ITPRID1: variants seen among roughly 807,000 people sequenced by gnomAD.
ITPRID1 encodes the protein protein ITPRID1.
A neutral mutation model predicts 95.4 loss-of-function variants in ITPRID1; 96 were observed. The observed-to-expected ratio is 1.01, with a 90% CI of 0.85 to 1.19. The LOEUF (loss-of-function observed/expected upper bound fraction) is 1.19, where lower values mean the gene tolerates loss of function less well. Among genes scored for constraint, ITPRID1 ranks in the 50% most tolerant of loss-of-function variants. ITPRID1 has a pLI of 0.00. For missense variants in ITPRID1, 1,339 were observed against 1,252.9 expected (o/e 1.07, Z -1.04); for synonymous variants, 510 against 453.6 (o/e 1.12, Z -1.58).
chr7:31,537,107 G>A (rs1783785975), intron 1 of ITPRID1, among the ~76,000 whole-genome samples: 1 of 150,824 alleles, frequency 6.6e-6, no homozygotes, highest in African/African-American at 2.4e-5. Flanking sequence ...GTGTGTGTGT[G>A]TGTGTGTGTG....
At chr7:31,637,902 T>C (rs889363007) in intron 10 of ITPRID1, among the ~76,000 whole-genome samples, 1 of 152,210 alleles carries the variant, frequency 6.6e-6, no homozygotes, top group Non-Finnish European at 1.5e-5. Flanking sequence ...CCATCTTGAA[T>C]TAATTTTTGT....
intron 1 of ITPRID1, chr7:31,529,932 G>A: frequency 1.2e-6 from 1 of 841,652 alleles, no homozygotes; most frequent in Middle Eastern, 2.2e-4. Flanking sequence ...GGGCAGCGAT[G>A]GCGTGTTCTG....
At position 31,643,637 on chromosome 7, in the gene ITPRID1, A is replaced by T; in HGVS notation, c.2267A>T (p.Gln756Leu). The change falls in exon 12 of 15, where the codon CAG (glutamine) becomes CTG (leucine). Residue 756 changes from glutamine (Q) to leucine (L), a missense_variant. Physicochemically the swap from Gln to Leu is moderately radical, Grantham distance 113. Coordinates refer to ENST00000615280, the MANE Select transcript of ITPRID1 (RefSeq NM_001257967.3). ...TETRLGTKARQLNDASIQTSA... is the reference protein window; with the variant it reads ...TETRLGTKARLLNDASIQTSA... ...ACAAGACTGGGGACAAAAGCAAGAC[A>T]GTTAAATGATGCTTCCATTCAGACT... The T allele has an allele frequency of 1.2e-6, 2 of 1,614,070 alleles. No homozygotes were observed. Among genetic ancestry groups the T allele is most frequent in the Non-Finnish European group, 1.7e-6 (2 of 1,179,910 alleles).
At chr7:31,581,967 T>C (rs999825511) in intron 9 of ITPRID1, among the ~76,000 whole-genome samples, 2 of 152,240 alleles carry the variant, frequency 1.3e-5, no homozygotes, top group African/African-American at 4.8e-5. Context: ...CTTCTTGTTA[T>C]GGTTGAGCTA....
At chr7:31,620,827 CA>C (rs1285688446) in intron 10 of ITPRID1, among the ~76,000 whole-genome samples, 18 of 152,184 alleles carry the variant, frequency 1.2e-4, no homozygotes, top group African/African-American at 4.3e-4. Context: ...GGAGGAAATT[CA>C]AACCAAAGGC....
chr7:31,656,897 A>AC (rs5883301), downstream of ITPRID1, among the ~76,000 whole-genome samples: 116,322 of 151,150 alleles, frequency 0.77, 44,837 homozygotes, highest in East Asian at 0.83. Context: ...GCTCTATCCC[A>AC]CCAGGACCTT....
intron 1 of ITPRID1, among the ~76,000 whole-genome samples, chr7:31,548,415 T>A (rs1784170534): frequency 6.6e-6 from 1 of 151,988 alleles, no homozygotes; most frequent in Non-Finnish European, 1.5e-5. Flanking sequence ...ATAGAGGAAA[T>A]TTACACTATC....
At position 31,598,824 on chromosome 7, in the gene ITPRID1, C is replaced by A. The variant is rs139938140; in HGVS notation, c.1228+15633C>A. On this transcript the variant is annotated intron_variant, in intron 10 of 14. Coordinates refer to ENST00000615280, the MANE Select transcript of ITPRID1 (RefSeq NM_001257967.3). ...GAATAAACAAGAAAAAAAAGCTTTA[C>A]CCTGTTATAATCAGGAGCAGATAAG... 1.2e-3 allele frequency among the ~76,000 whole-genome samples: 179 copies of A among 152,242 alleles called. 1 individual carries two copies. The highest frequency in any genetic ancestry group is 1.4e-3 in the Non-Finnish European group (93 of 68,020).
rs1226289038 is a variant in ITPRID1, at chr7:31,652,569, C to T, written c.2875C>T (p.Gln959Ter). Residue 959 changes from glutamine (Q) to a stop codon, truncating the protein, a stop_gained, in exon 15 of 15, where the codon CAA becomes TAA. Coordinates refer to ENST00000615280, the MANE Select transcript of ITPRID1 (RefSeq NM_001257967.3). LOFTEE classifies it low-confidence loss of function (END_TRUNC). ...ACCTGAACACTATTCAAATCTGCAT[C>T]AATATAACTGGATAGAAGAAAGCAA... is the stretch of plus-strand genomic sequence containing the variant. ...EPPEHYSNLH[Q>*]YNWIEESNGQ... The T allele has an allele frequency of 6.2e-7, 1 of 1,610,840 alleles. No individual in the cohort carries two copies. Among genetic ancestry groups the T allele is most frequent in the Admixed American group, 1.7e-5 (1 of 59,522 alleles).
At chr7:31,543,837 A>C (rs1257876197) in intron 1 of ITPRID1, among the ~76,000 whole-genome samples, 1 of 152,112 alleles carries the variant, frequency 6.6e-6, no homozygotes, top group Non-Finnish European at 1.5e-5. Flanking sequence ...AATATTCATC[A>C]CCAAATCCAA....
intron 10 of ITPRID1, among the ~76,000 whole-genome samples, chr7:31,589,334 G>T (rs1191585723): frequency 9.2e-5 from 14 of 152,142 alleles, no homozygotes; most frequent in Admixed American, 9.2e-4. Flanking sequence ...TCAGAAGCCT[G>T]TGAGGCAGTA....
chr7:31,647,488 C>T (rs150421522), intron 12 of ITPRID1, among the ~76,000 whole-genome samples: 2 of 141,440 alleles, frequency 1.4e-5, no homozygotes, highest in East Asian at 2.1e-4. Flanking sequence ...ATGGCAAAAC[C>T]CCGTCTCCAT....
intron 1 of ITPRID1, among the ~76,000 whole-genome samples, chr7:31,521,333 T>G (rs1024864310): frequency 6.6e-6 from 1 of 152,218 alleles, no homozygotes. Flanking sequence ...AAACACATGT[T>G]ATTTAGTAGT....
Position 31,655,055 on chromosome 7 carries a change from C to G in ITPRID1, c.*2226C>G, listed in dbSNP as rs184635902. Among the ~76,000 whole-genome samples, 10 of 152,288 alleles carry G rather than the reference C, an allele frequency of 6.6e-5. No individual in the cohort carries two copies. The highest frequency in any genetic ancestry group is 5.9e-4 in the Admixed American group (9 of 15,298). ...TCTGTCCTCAGTATACACACACACTCTCCAAGCATCTATGACCCTGATTCC... is the reference window on the plus strand; with the variant it reads ...TCTGTCCTCAGTATACACACACACTGTCCAAGCATCTATGACCCTGATTCC... On this transcript the variant is annotated 3_prime_UTR_variant, in exon 15 of 15. Transcript: ENST00000615280.
intron 5 of ITPRID1, among the ~76,000 whole-genome samples, chr7:31,564,052 C>T (rs979334089): frequency 1.3e-5 from 2 of 152,060 alleles, no homozygotes; most frequent in Non-Finnish European, 2.9e-5. Context: ...GTCTATTGGA[C>T]GATATTCCAA....
At chr7:31,589,429 A>G (rs887535436) in intron 10 of ITPRID1, among the ~76,000 whole-genome samples, 3 of 152,184 alleles carry the variant, frequency 2.0e-5, no homozygotes, top group Non-Finnish European at 4.4e-5. Context: ...TGGAGAAATA[A>G]TGGTGGGAAA....
chr7:31,553,931 A>C (rs535460451), intron 3 of ITPRID1, among the ~76,000 whole-genome samples: 4 of 152,296 alleles, frequency 2.6e-5, no homozygotes, highest in African/African-American at 9.6e-5. Context: ...ATCCACCTTA[A>C]AAGACTGGTG....
chr7:31,549,572 T>C (rs1196566178), intron 2 of ITPRID1, 73 bp downstream of exon 2: 7 of 1,077,164 alleles, frequency 6.5e-6, no homozygotes, highest in African/African-American at 1.6e-5. Flanking sequence ...ATACTCATTA[T>C]AGATATGAGG....
At chr7:31,579,045 G>T (rs1286645678) in intron 9 of ITPRID1, among the ~76,000 whole-genome samples, 1 of 152,048 alleles carries the variant, frequency 6.6e-6, no homozygotes, top group Non-Finnish European at 1.5e-5. Flanking sequence ...TGTTTGCTTT[G>T]GGATGTATTG....
Sources: allele counts gnomAD v4.1 joint callset (sites outside exome capture counted in the v4.1 genomes callset), GRCh38; gene constraint gnomAD v4.1.1; transcripts MANE v1.5; gene names NCBI Gene and HGNC (gene_info 2026-07-23, HGNC 2026-07-21).